STK38: variants seen among roughly 807,000 people sequenced by gnomAD.
The protein encoded by STK38 is serine/threonine-protein kinase 38.
Under a neutral mutation model 59.0 loss-of-function variants are expected in STK38, and 26 were observed. The observed-to-expected ratio is 0.44, with a 90% CI of 0.32 to 0.61. STK38 has a LOEUF of 0.61. Among genes scored for constraint, STK38 ranks in the 20% least tolerant of loss-of-function variants. The pLI, the probability that STK38 is intolerant of heterozygous loss-of-function variation, is 0.04. For missense variants in STK38, 433 were observed against 566.0 expected (o/e 0.76, Z 2.38); for synonymous variants, 175 against 176.6 (o/e 0.99, Z 0.07).
chr6:36,524,248 AT>A (rs771747410), intron 4 of STK38, 92 bp downstream of exon 4: 530 of 1,450,042 alleles, frequency 3.7e-4, no homozygotes, highest in Non-Finnish European at 4.7e-4. Flanking sequence ...AATTCCATAT[AT>A]TTGTTATATC....
intron 4 of STK38, 109 bp from the exon 5 acceptor site, chr6:36,521,926 A>G: frequency 2.5e-6 from 2 of 799,186 alleles, no homozygotes; most frequent in Non-Finnish European, 2.0e-6. Context: ...CAATTTTAAC[A>G]TGAGCAACTA....
chr6:36,507,387 C>T lies in STK38; in HGVS notation c.772+113G>A, dbSNP rs140894050. 104 of 876,686 alleles carry T rather than the reference C, an allele frequency of 1.2e-4. No homozygotes were observed. The African/African-American group carries it at 1.4e-3, about 11-fold the overall frequency. 54.3% of individuals were successfully genotyped at this position (876,686 alleles called of 1,614,324 possible). On this transcript the variant is annotated intron_variant, in intron 8 of 13. Coordinates refer to ENST00000229812, the MANE Select transcript of STK38 (RefSeq NM_007271.4). Reference sequence around the variant, plus strand: ...GCAAACCTGGGAAGGTATTTTTATTCTCTACATACTCAAAGTGTGAGAATC... The same window carrying T: ...GCAAACCTGGGAAGGTATTTTTATTTTCTACATACTCAAAGTGTGAGAATC...
chr6:36,524,593 T>C (rs1234076491), intron 3 of STK38, 130 bp from the exon 4 acceptor site: 3 of 929,898 alleles, frequency 3.2e-6, no homozygotes, highest in African/African-American at 3.4e-5. Context: ...TTTTCACATA[T>C]GAAATCACCC....
chr6:36,528,500 A>G (rs3819759), intron 2 of STK38, among the ~76,000 whole-genome samples: 8,862 of 152,274 alleles, frequency 0.058, 593 homozygotes, highest in Admixed American at 0.17. Context: ...GAGGGATATG[A>G]TGCCACTAAT....
chr6:36,496,845 A>ATTT, intron 12 of STK38, 40 bp from the exon 13 acceptor site: 4 of 1,420,254 alleles, frequency 2.8e-6, no homozygotes, highest in Non-Finnish European at 4.0e-6. Context: ...TAAGTTAGTA[A>ATTT]TCAAATGGAT....
intron 9 of STK38, among the ~76,000 whole-genome samples, chr6:36,504,157 C>T (rs9462190): frequency 0.24 from 36,113 of 152,066 alleles, 4,522 homozygotes; most frequent in East Asian, 0.39. Context: ...TAAATTCAAC[C>T]CTAAAAAATT....
At chr6:36,499,804 G>A (rs1776793957) in intron 10 of STK38, 69 bp downstream of exon 10, 9 of 1,238,548 alleles carry the variant, frequency 7.3e-6, no homozygotes, top group African/African-American at 1.5e-5. Flanking sequence ...AATTGAAACA[G>A]AGGCTGGTAT....
At chr6:36,498,666 C>A (rs902701623) in intron 10 of STK38, among the ~76,000 whole-genome samples, 180 bp from the exon 11 acceptor site, 9 of 149,328 alleles carry the variant, frequency 6.0e-5, no homozygotes, top group African/African-American at 2.2e-4. Flanking sequence ...TGGTTCACTG[C>A]AGCCTTGAAT....
chr6:36,500,217 G>A (rs1189912499), intron 9 of STK38, among the ~76,000 whole-genome samples: 1 of 152,018 alleles, frequency 6.6e-6, no homozygotes, highest in East Asian at 1.9e-4. Flanking sequence ...TCACTAGGGC[G>A]AAGGCATCTG....
chr6:36,524,436 G>C lies in STK38; in HGVS notation c.211C>G (p.Arg71Gly). ...EKRLRRSAHA[R>G]KETEFLRLKR... ...AAACGAAGAAACTCTGTTTCCTTCCGAGCATGTGCTGATCTCCGGAGTCGT... is the reference window on the plus strand; with the variant it reads ...AAACGAAGAAACTCTGTTTCCTTCCCAGCATGTGCTGATCTCCGGAGTCGT... Residue 71 changes from arginine (R) to glycine (G), a missense_variant, in exon 4 of 14, where the codon CGG becomes GGG. Arg to Gly is a moderately radical substitution (Grantham distance 125). Transcript: ENST00000229812. 1 of 1,609,806 alleles carries C rather than the reference G, an allele frequency of 6.2e-7. No individual in the cohort carries two copies. The highest frequency in any genetic ancestry group is 8.5e-7 in the Non-Finnish European group (1 of 1,178,794).
At chr6:36,535,101 A>AT (rs1158035786) in intron 2 of STK38, among the ~76,000 whole-genome samples, 1 of 152,182 alleles carries the variant, frequency 6.6e-6, no homozygotes, top group Admixed American at 6.5e-5. Flanking sequence ...GACATGTAAG[A>AT]TGCACACACT....
rs1473944028 is a variant in STK38, at chr6:36,498,427, T to G, written c.1012A>C (p.Lys338Gln). The G allele has an allele frequency of 6.2e-7, 1 of 1,614,096 alleles. No homozygotes were observed. Among genetic ancestry groups the G allele is most frequent in the Middle Eastern group, 1.6e-4 (1 of 6,062 alleles). Residue 338 changes from lysine (K) to glutamine (Q), a missense_variant, in exon 11 of 14, where the codon AAA becomes CAA. Lys to Gln is a moderately conservative substitution (Grantham distance 53). Around this residue, in one of 3 missense-constraint regions of STK38, gnomAD observed 136 missense variants for 156.7 expected, o/e 0.87. Transcript: ENST00000229812. Reference sequence around the variant, plus strand: ...TCTGGAGGAAAAGTCAAAGTTTCTTTCCAGTTCATCACCTTCTTATATGTC... The same window carrying G: ...TCTGGAGGAAAAGTCAAAGTTTCTTGCCAGTTCATCACCTTCTTATATGTC... ...QETYKKVMNWKETLTFPPEVP... is the reference protein window; with the variant it reads ...QETYKKVMNWQETLTFPPEVP...
chr6:36,542,826 A>C (rs1777971522), intron 1 of STK38, among the ~76,000 whole-genome samples: 1 of 151,166 alleles, frequency 6.6e-6, no homozygotes, highest in Non-Finnish European at 1.5e-5. Context: ...GGCGCCTATA[A>C]TCCCAGCTAC....
At chr6:36,529,824 GGGTCC>G (rs1777623632) in intron 2 of STK38, among the ~76,000 whole-genome samples, 1 of 152,146 alleles carries the variant, frequency 6.6e-6, no homozygotes, top group African/African-American at 2.4e-5. Flanking sequence ...ATCTAATTTA[GGGTCC>G]CCTCTTGGCA....
intron 2 of STK38, among the ~76,000 whole-genome samples, chr6:36,530,489 C>T (rs1370809634): frequency 6.0e-5 from 9 of 151,090 alleles, no homozygotes; most frequent in African/African-American, 1.2e-4. Flanking sequence ...CTCAGCCTCC[C>T]GGATAGCTGG....
At chr6:36,511,775 T>G (rs1316215097) in intron 7 of STK38, among the ~76,000 whole-genome samples, 3 of 151,768 alleles carry the variant, frequency 2.0e-5, no homozygotes, top group Non-Finnish European at 4.4e-5. Context: ...AAAACTGTTT[T>G]TGGCTGGGCA....
intron 1 of STK38, among the ~76,000 whole-genome samples, chr6:36,542,169 C>G (rs1215497867): frequency 1.3e-5 from 2 of 152,236 alleles, no homozygotes; most frequent in Non-Finnish European, 2.9e-5. Flanking sequence ...TAAGCATATA[C>G]TGTTACCAAT....
intron 10 of STK38, among the ~76,000 whole-genome samples, chr6:36,498,989 T>C (rs527661346): frequency 9.9e-5 from 15 of 152,230 alleles, no homozygotes; most frequent in Admixed American, 4.6e-4. Context: ...TACCTAAACC[T>C]ATTTTTCATT....
intron 2 of STK38, among the ~76,000 whole-genome samples, chr6:36,539,000 T>TAG (rs1248548555): frequency 2.0e-5 from 3 of 152,156 alleles, no homozygotes. Context: ...TTATAGACTC[T>TAG]AGATGATATA....
Sources: allele counts gnomAD v4.1 joint callset (sites outside exome capture counted in the v4.1 genomes callset), GRCh38; gene constraint gnomAD v4.1.1; regional missense constraint gnomAD v4.1.1; transcripts MANE v1.5; gene names NCBI Gene and HGNC (gene_info 2026-07-23, HGNC 2026-07-21).